The following DNAH11 variants were observed in gnomAD, a reference collection of about 807,000 sequenced individuals.
DNAH11 encodes dynein axonemal heavy chain 11.
Under a neutral mutation model 526.0 loss-of-function variants are expected in DNAH11, and 442 were observed. The observed-to-expected ratio is 0.84, with a 90% CI of 0.78 to 0.91. The LOEUF is 0.91. DNAH11 is among the 40% of genes least tolerant of loss of function. The probability of loss-of-function intolerance (pLI) is 0.00; values close to 1 mark genes in which losing one functional copy is unlikely to be tolerated. For synonymous variants in DNAH11, 2,461 were observed against 1,935.9 expected (o/e 1.27, Z -7.12); for missense variants, 6,989 against 5,448.7 (o/e 1.28, Z -8.90).
At chr7:21,742,389 G>C (rs900420893) in intron 49 of DNAH11, among the ~76,000 whole-genome samples, 1 of 152,174 alleles carries the variant, frequency 6.6e-6, no homozygotes, top group Admixed American at 6.5e-5. Flanking sequence ...GAAGGTGATG[G>C]GGAGCCAGCA....
chr7:21,582,804 T>TG (rs1338391782), intron 9 of DNAH11, among the ~76,000 whole-genome samples: 1 of 152,148 alleles, frequency 6.6e-6, no homozygotes, highest in Non-Finnish European at 1.5e-5. Context: ...TAAGAAATCA[T>TG]GGATATAATT....
chr7:21,637,856 A>G (rs377666936), intron 27 of DNAH11, among the ~76,000 whole-genome samples, 154 bp downstream of exon 27: 17 of 152,308 alleles, frequency 1.1e-4, no homozygotes, highest in East Asian at 1.9e-4. Context: ...TCTCGTACAT[A>G]TGACATGGAA....
In DNAH11 at chr7:21,850,066, A is replaced by G. The variant is rs188571319; in HGVS notation, c.10897-2401A>G. Reference sequence around the variant, plus strand: ...TAGTTTACTCATGAGCCCGTCAAAAACATTCTTCAGCCGGGCACGGTGGCT... The same window carrying G: ...TAGTTTACTCATGAGCCCGTCAAAAGCATTCTTCAGCCGGGCACGGTGGCT... On this transcript the variant is annotated intron_variant, in intron 66 of 81. Coordinates refer to ENST00000409508, the MANE Select transcript of DNAH11 (RefSeq NM_001277115.2). Among the ~76,000 whole-genome samples, 438 of 151,510 alleles carry G rather than the reference A, an allele frequency of 2.9e-3. 2 individuals carry two copies. The Middle Eastern group carries it at 0.038, about 13-fold the overall frequency.
chr7:21,899,877 A>AAAAC, intron 80 of DNAH11, 103 bp from the exon 81 acceptor site: 2 of 1,421,834 alleles, frequency 1.4e-6, no homozygotes, highest in Middle Eastern at 2.0e-4. Flanking sequence ...CCAAGAACCT[A>AAAAC]AAACACCCTA....
chr7:21,862,552 A>T lies in DNAH11; in HGVS notation c.11373+529A>T, dbSNP rs116732908. Among the ~76,000 whole-genome samples the T allele has an allele frequency of 8.1e-3, 1,234 of 152,330 alleles. 25 individuals carry two copies. Among genetic ancestry groups the T allele is most frequent in the African/African-American group, 0.028 (1,180 of 41,570 alleles). On this transcript the variant is annotated intron_variant, in intron 69 of 81. Coordinates refer to ENST00000409508, the MANE Select transcript of DNAH11 (RefSeq NM_001277115.2). Reference sequence around the variant, plus strand: ...TCACAAAAAAGATAAGTATGTGAGGAGATGGATATATGAATTAGCTTAATT... The same window carrying T: ...TCACAAAAAAGATAAGTATGTGAGGTGATGGATATATGAATTAGCTTAATT...
intron 79 of DNAH11, 122 bp downstream of exon 79, chr7:21,895,121 C>T (rs967341741): frequency 3.0e-5 from 23 of 777,496 alleles, no homozygotes; most frequent in East Asian, 1.6e-4. Context: ...AACCTGTAAC[C>T]GTAAAAAATT....
intron 61 of DNAH11, among the ~76,000 whole-genome samples, chr7:21,799,084 A>G (rs1788845367): frequency 6.6e-6 from 1 of 152,168 alleles, no homozygotes; most frequent in African/African-American, 2.4e-5. Context: ...TATTCTATAA[A>G]TCATCAAAAT....
intron 61 of DNAH11, among the ~76,000 whole-genome samples, chr7:21,796,892 TA>T (rs1283911722): frequency 3.9e-5 from 6 of 152,132 alleles, no homozygotes; most frequent in Non-Finnish European, 8.8e-5. Context: ...TGTTAGTTGT[TA>T]TTTTTTTATT....
chr7:21,785,105 A>G (rs565716080), intron 58 of DNAH11, among the ~76,000 whole-genome samples: 12 of 152,254 alleles, frequency 7.9e-5, no homozygotes, highest in African/African-American at 2.4e-4. Context: ...ATGGGGGGCA[A>G]TGTTCTTTTA....
chr7:21,547,114 TTG>T (rs1191543197), intron 2 of DNAH11, among the ~76,000 whole-genome samples: 1 of 152,230 alleles, frequency 6.6e-6, no homozygotes, highest in Non-Finnish European at 1.5e-5. Flanking sequence ...TTGACTTACT[TTG>T]TATATATTTA....
intron 75 of DNAH11, among the ~76,000 whole-genome samples, chr7:21,881,315 C>T (rs543409648): frequency 1.4e-4 from 22 of 152,264 alleles, no homozygotes; most frequent in Admixed American, 8.5e-4. Context: ...ATTTACAGCG[C>T]GTCACATGTA....
chr7:21,564,618 G>C (rs566058557), intron 6 of DNAH11, among the ~76,000 whole-genome samples: 9 of 152,100 alleles, frequency 5.9e-5, no homozygotes, highest in Non-Finnish European at 8.8e-5. Context: ...GTTGTTGCTT[G>C]GTTTTGTTTA....
intron 27 of DNAH11, 143 bp downstream of exon 27, chr7:21,637,845 G>A: frequency 2.0e-6 from 1 of 492,204 alleles, no homozygotes; most frequent in Non-Finnish European, 3.5e-6. Flanking sequence ...TTATCTAGTT[G>A]TCTCGTACAT....
intron 61 of DNAH11, among the ~76,000 whole-genome samples, chr7:21,798,193 T>G (rs1788802031): frequency 6.6e-6 from 1 of 152,188 alleles, no homozygotes; most frequent in African/African-American, 2.4e-5. Flanking sequence ...ACTCCTAGGT[T>G]CAAGCAATTC....
At chr7:21,875,523 C>T (rs984152076) in intron 74 of DNAH11, among the ~76,000 whole-genome samples, 11 of 152,122 alleles carry the variant, frequency 7.2e-5, no homozygotes, top group Non-Finnish European at 1.5e-4. Context: ...TTGGGCCAGA[C>T]ACAGTGCCTC....
chr7:21,606,287 C>A, intron 18 of DNAH11, 139 bp from the exon 19 acceptor site: 1 of 685,962 alleles, frequency 1.5e-6, no homozygotes, highest in Non-Finnish European at 2.4e-6. Context: ...CATGCCAGTG[C>A]ACTCCAGCCT....
intron 73 of DNAH11, among the ~76,000 whole-genome samples, chr7:21,871,970 A>C (rs2128037684): frequency 6.6e-6 from 1 of 151,602 alleles, no homozygotes; most frequent in Admixed American, 6.6e-5. Context: ...AAAATACAAA[A>C]AAAATTAGCT....
At chr7:21,886,797 C>T (rs1190045085) in intron 76 of DNAH11, among the ~76,000 whole-genome samples, 1 of 152,182 alleles carries the variant, frequency 6.6e-6, no homozygotes, top group Admixed American at 6.5e-5. Flanking sequence ...GAAGGGGCAT[C>T]AGTGATGTGT....
At chr7:21,890,090 T>C (rs1029339312) in intron 76 of DNAH11, among the ~76,000 whole-genome samples, 1 of 152,220 alleles carries the variant, frequency 6.6e-6, no homozygotes, top group African/African-American at 2.4e-5. Context: ...TGCTGAGCTG[T>C]TTGCATACCT....
Sources: gnomAD v4.1 joint callset for allele counts (sites outside exome capture counted in the v4.1 genomes callset) on GRCh38, gnomAD v4.1.1 for gene constraint, MANE v1.5 for transcripts, NCBI Gene and HGNC (gene_info 2026-07-23, HGNC 2026-07-21) for gene names.